Variants in RANBP2 observed in about 807,000 individuals in gnomAD.
The protein encoded by RANBP2 is RAN binding protein 2, also known as E3 SUMO-protein ligase RanBP2.
Under a neutral mutation model 303.6 loss-of-function variants are expected in RANBP2, and 57 were observed. The observed-to-expected ratio is 0.19, with a 90% CI of 0.15 to 0.23. The LOEUF (loss-of-function observed/expected upper bound fraction) is 0.23, where lower values mean the gene tolerates loss of function less well. Ranked by LOEUF, RANBP2 falls within the 10% of genes least tolerant of loss-of-function variation. The pLI, the probability that RANBP2 is intolerant of heterozygous loss-of-function variation, is 1.00. For synonymous variants in RANBP2, 1,167 were observed against 1,301.5 expected (o/e 0.90, Z 2.23); for missense variants, 3,138 against 3,780.8 (o/e 0.83, Z 4.46).
chr2:109,156,697 C>T, the RANBP2 span, among the ~76,000 whole-genome samples: 1 of 152,156 alleles, frequency 6.6e-6, no homozygotes, highest in African/African-American at 2.4e-5. Context: ...CTCGCCTCGG[C>T]CTCCCAAAGT....
chr2:109,254,064 G>T, the RANBP2 span, among the ~76,000 whole-genome samples: 1 of 152,140 alleles, frequency 6.6e-6, no homozygotes, highest in East Asian at 2.0e-4. Context: ...TCTTGAAGGG[G>T]TGCTTTTTCT....
At chr2:109,541,392 C>T in the RANBP2 span, among the ~76,000 whole-genome samples, 30 of 152,176 alleles carry the variant, frequency 2.0e-4, no homozygotes, top group African/African-American at 7.2e-4. Flanking sequence ...CTTTCTACAT[C>T]AGTATTGTTT....
rs775801728 is a variant in RANBP2, at chr2:108,767,981, A to G, written c.7442A>G (p.Asp2481Gly). The G allele has an allele frequency of 6.2e-7, 1 of 1,611,958 alleles. No individual in the cohort carries two copies. The highest frequency in any genetic ancestry group is 2.2e-5 in the East Asian group (1 of 44,878). Residue 2481 changes from aspartate (D) to glycine (G), a missense_variant, in exon 20 of 29, where the codon GAT becomes GGT. Coordinates refer to ENST00000283195, the MANE Select transcript of RANBP2 (RefSeq NM_006267.5). The stretch of plus-strand genomic sequence containing the variant: ...GAAGAAACCACAAGAGAGAGGACAG[A>G]TGTTATTCAGGGTGATGATGTAGCA... ...VLEETTRERTDVIQGDDVADA... is the reference protein window; with the variant it reads ...VLEETTRERTGVIQGDDVADA...
the RANBP2 span, among the ~76,000 whole-genome samples, chr2:109,096,443 C>T: frequency 2.2e-4 from 33 of 152,314 alleles, no homozygotes; most frequent in African/African-American, 7.7e-4. Context: ...GTGTCTTTGA[C>T]TGTGGCTGCC....
the RANBP2 span, among the ~76,000 whole-genome samples, chr2:109,579,718 T>G: frequency 1.3e-5 from 2 of 151,712 alleles, no homozygotes; most frequent in Non-Finnish European, 2.9e-5. Context: ...CTACCAAACA[T>G]TCCAGGGAAA....
chr2:109,614,055 C>G, the RANBP2 span: 2 of 1,211,848 alleles, frequency 1.7e-6, no homozygotes, highest in Non-Finnish European at 2.0e-6. Context: ...CTGCGCCAAG[C>G]GAGCCCCTCA....
At chr2:109,136,417 A>G in the RANBP2 span, among the ~76,000 whole-genome samples, 1 of 152,196 alleles carries the variant, frequency 6.6e-6, no homozygotes, top group African/African-American at 2.4e-5. Context: ...CAGGGTGTCG[A>G]GCTGAAGGTA....
chr2:109,164,537 G>A, the RANBP2 span, among the ~76,000 whole-genome samples: 931 of 152,178 alleles, frequency 6.1e-3, 7 homozygotes, highest in African/African-American at 0.021. Context: ...CTGTTTCCCA[G>A]TTTACAGCTA....
At chr2:109,325,342 T>C in the RANBP2 span, among the ~76,000 whole-genome samples, 7 of 132,488 alleles carry the variant, frequency 5.3e-5, no homozygotes, top group African/African-American at 1.8e-4. Flanking sequence ...TTTTTTTTTT[T>C]TTTTTTTTTT....
At chr2:109,637,873 G>A in the RANBP2 span, among the ~76,000 whole-genome samples, 270 of 152,182 alleles carry the variant, frequency 1.8e-3, 1 homozygote, top group African/African-American at 6.1e-3. Context: ...CAGGAGAATC[G>A]CTTGAACCCG....
the RANBP2 span, among the ~76,000 whole-genome samples, chr2:108,837,401 T>C: frequency 6.6e-6 from 1 of 152,234 alleles, no homozygotes; most frequent in African/African-American, 2.4e-5. Context: ...TCATGGCGTA[T>C]AATCCCTTTT....
chr2:109,424,769 C>T, the RANBP2 span, among the ~76,000 whole-genome samples: 82,098 of 151,944 alleles, frequency 0.54, 22,463 homozygotes, highest in African/African-American at 0.6. Flanking sequence ...TCCCCCATCT[C>T]TCTTTCTCTC....
the RANBP2 span, among the ~76,000 whole-genome samples, chr2:109,546,892 T>C: frequency 1.3e-5 from 2 of 152,148 alleles, no homozygotes; most frequent in Non-Finnish European, 2.9e-5. Context: ...AGATAAAGAA[T>C]AAATTAATGC....
chr2:109,567,759 A>G, the RANBP2 span: 45 of 1,488,010 alleles, frequency 3.0e-5, no homozygotes, highest in East Asian at 1.0e-3. Context: ...ATTACTCACA[A>G]ATTACAGTTT....
the RANBP2 span, among the ~76,000 whole-genome samples, chr2:109,046,236 G>A: frequency 3.1e-4 from 47 of 149,788 alleles, no homozygotes; most frequent in Admixed American, 1.3e-3. Flanking sequence ...CCCGGGAGGC[G>A]AAGGTTGCAG....
At chr2:109,433,115 G>C in the RANBP2 span, among the ~76,000 whole-genome samples, 1 of 152,230 alleles carries the variant, frequency 6.6e-6, no homozygotes, top group African/African-American at 2.4e-5. Context: ...GCCTGTGCAC[G>C]TGCGTATGCA....
chr2:109,235,721 C>T, the RANBP2 span, among the ~76,000 whole-genome samples: 1 of 152,224 alleles, frequency 6.6e-6, no homozygotes, highest in Non-Finnish European at 1.5e-5. Flanking sequence ...CGAGGCATCC[C>T]TGTGGGAAGT....
the RANBP2 span, among the ~76,000 whole-genome samples, chr2:109,432,206 G>A: frequency 6.6e-6 from 1 of 152,156 alleles, no homozygotes; most frequent in Non-Finnish European, 1.5e-5. Flanking sequence ...CTGGGCCTTA[G>A]GGAGCTGCCT....
At chr2:109,136,215 T>C in the RANBP2 span, among the ~76,000 whole-genome samples, 3 of 151,110 alleles carry the variant, frequency 2.0e-5, no homozygotes, top group African/African-American at 7.4e-5. Flanking sequence ...ATGATCTTTT[T>C]TGAGGTGCAT....
Sources: gnomAD v4.1 joint callset for allele counts (sites outside exome capture counted in the v4.1 genomes callset) on GRCh38, gnomAD v4.1.1 for gene constraint, MANE v1.5 for transcripts, NCBI Gene and HGNC (gene_info 2026-07-23, HGNC 2026-07-21) for gene names.